MALRD1: variants seen among roughly 807,000 people sequenced by gnomAD.
MALRD1 encodes MAM and LDL-receptor class A domain-containing protein 1.
MALRD1 carries 247 observed loss-of-function variants against 242.1 expected under a neutral mutation model. The ratio of observed to expected loss-of-function variants is 1.02; its 90% CI spans 0.92 to 1.13. MALRD1 has a LOEUF of 1.13. Ranked by LOEUF, MALRD1 falls within the 50% of genes most tolerant of loss-of-function variation. MALRD1 has a pLI of 0.00. For synonymous variants in MALRD1, 995 were observed against 866.6 expected (o/e 1.15, Z -2.60); for missense variants, 2,989 against 2,533.1 (o/e 1.18, Z -3.86).
chr10:19,321,100 T>C (rs966543025), intron 21 of MALRD1, among the ~76,000 whole-genome samples: 2 of 152,136 alleles, frequency 1.3e-5, no homozygotes, highest in Admixed American at 1.3e-4. Flanking sequence ...ATTTTGGCTT[T>C]AGTTGCAGTT....
chr10:19,678,270 T>G (rs1464398486), intron 36 of MALRD1, among the ~76,000 whole-genome samples: 1 of 152,192 alleles, frequency 6.6e-6, no homozygotes, highest in Non-Finnish European at 1.5e-5. Context: ...AGTATGGCCA[T>G]TTTCACAATA....
intron 29 of MALRD1, among the ~76,000 whole-genome samples, chr10:19,472,149 A>G (rs1564371001): frequency 6.6e-6 from 1 of 151,982 alleles, no homozygotes; most frequent in Non-Finnish European, 1.5e-5. Flanking sequence ...TTCTCCATCT[A>G]TTGAAATGAC....
At chr10:19,276,037 C>T (rs967004034) in intron 19 of MALRD1, among the ~76,000 whole-genome samples, 7 of 152,042 alleles carry the variant, frequency 4.6e-5, no homozygotes, top group Non-Finnish European at 7.4e-5. Flanking sequence ...TAAATTGGAG[C>T]ATAGAACATT....
At chr10:19,308,526 C>G (rs1251954866) in intron 21 of MALRD1, among the ~76,000 whole-genome samples, 1 of 151,498 alleles carries the variant, frequency 6.6e-6, no homozygotes, top group Non-Finnish European at 1.5e-5. Flanking sequence ...TAAGCTTAGT[C>G]TAGTCCAGAT....
chr10:19,150,789 G>A (rs1319487408), intron 11 of MALRD1, among the ~76,000 whole-genome samples: 1 of 152,080 alleles, frequency 6.6e-6, no homozygotes, highest in Non-Finnish European at 1.5e-5. Flanking sequence ...CTGGATTCAT[G>A]TTTGTTTATT....
intron 35 of MALRD1, among the ~76,000 whole-genome samples, chr10:19,609,402 T>G (rs570307855): frequency 1.3e-5 from 2 of 152,222 alleles, no homozygotes; most frequent in East Asian, 3.9e-4. Flanking sequence ...GCCAAGCTTC[T>G]GTTTTTAAGA....
chr10:19,236,366 G>T (rs1415088393), intron 18 of MALRD1, among the ~76,000 whole-genome samples: 1 of 152,150 alleles, frequency 6.6e-6, no homozygotes, highest in Non-Finnish European at 1.5e-5. Flanking sequence ...GTGTAACCTA[G>T]AAGCTTGGTA....
intron 24 of MALRD1, among the ~76,000 whole-genome samples, chr10:19,336,566 G>A (rs1374457160): frequency 6.6e-6 from 1 of 152,098 alleles, no homozygotes; most frequent in Non-Finnish European, 1.5e-5. Flanking sequence ...TCTGAATTAG[G>A]CTTGAGATCA....
intron 36 of MALRD1, among the ~76,000 whole-genome samples, chr10:19,679,513 A>G (rs1180017746): frequency 3.5e-4 from 53 of 151,920 alleles, no homozygotes; most frequent in Admixed American, 3.4e-3. Context: ...TATCCCCTTC[A>G]TCATTTTTAT....
At chr10:19,327,000 T>C (rs564782380) in intron 22 of MALRD1, among the ~76,000 whole-genome samples, 46 of 152,140 alleles carry the variant, frequency 3.0e-4, no homozygotes, top group Admixed American at 9.2e-4. Flanking sequence ...CTGCTTTACA[T>C]TGGGGGTACA....
chr10:19,177,129 A>G (rs988281913), intron 14 of MALRD1, among the ~76,000 whole-genome samples: 1 of 151,844 alleles, frequency 6.6e-6, no homozygotes, highest in African/African-American at 2.4e-5. Context: ...ATACAAAAAA[A>G]TTAGCCAGGG....
chr10:19,499,005 G>A (rs1319329458), intron 31 of MALRD1, among the ~76,000 whole-genome samples: 2 of 152,112 alleles, frequency 1.3e-5, no homozygotes, highest in Non-Finnish European at 2.9e-5. Context: ...AAGTTATCCT[G>A]TTGTGACAAT....
intron 32 of MALRD1, among the ~76,000 whole-genome samples, chr10:19,555,167 G>T (rs960473996): frequency 1.3e-5 from 2 of 152,008 alleles, no homozygotes; most frequent in Non-Finnish European, 2.9e-5. Context: ...ATGTGGCCAG[G>T]CTTCTTTAAA....
chr10:19,442,692 T>A (rs1463970489), intron 28 of MALRD1, among the ~76,000 whole-genome samples: 2 of 152,174 alleles, frequency 1.3e-5, no homozygotes, highest in African/African-American at 4.8e-5. Context: ...GTGGATAAGC[T>A]TTTTGATGTG....
chr10:19,101,426 TATATA>T lies in MALRD1; in HGVS notation c.598-2544_598-2540del, dbSNP rs547886248. Among the ~76,000 whole-genome samples, 954 of 141,360 alleles carry T rather than the reference TATATA, an allele frequency of 6.7e-3. 10 individuals carry two copies. Among genetic ancestry groups the T allele is most frequent in the African/African-American group, 0.022 (870 of 38,828 alleles). 92.7% of individuals were successfully genotyped at this position (141,360 alleles called of 152,430 possible). A position where few individuals can be genotyped will look rare whatever the true frequency, so the allele number is the denominator to read the frequency against. On this transcript the variant is annotated intron_variant, in intron 4 of 39. Transcript: ENST00000454679. Reference sequence around the variant, plus strand: ...ATTCATATATTATATATTATAATAATATATAATATAATAATTACATATTATATAAT... The same window carrying T: ...ATTCATATATTATATATTATAATAATATATAATAATTACATATTATATAAT...
chr10:19,128,489 T>C, intron 8 of MALRD1, 102 bp downstream of exon 8: 1 of 724,118 alleles, frequency 1.4e-6, no homozygotes, highest in Non-Finnish European at 1.9e-6. Flanking sequence ...AGGCTTTTAT[T>C]CTTTAACTTG....
chr10:19,665,371 T>A (rs1278787715), intron 36 of MALRD1, among the ~76,000 whole-genome samples: 1 of 152,172 alleles, frequency 6.6e-6, no homozygotes, highest in Non-Finnish European at 1.5e-5. Context: ...GCGTAGCATC[T>A]CAGTGCCATC....
At chr10:19,407,478 T>G (rs1316732711) in intron 28 of MALRD1, among the ~76,000 whole-genome samples, 1 of 151,862 alleles carries the variant, frequency 6.6e-6, no homozygotes, top group Non-Finnish European at 1.5e-5. Flanking sequence ...CAAGCCCTGT[T>G]TCTTAAAAAA....
rs562533530 is a variant in MALRD1 at position 19,226,836 on chromosome 10, G to C, written c.2991+17156G>C. ...AATTTAACAAAGTTGTAGGATGAAA[G>C]ATCAATAAATAAAATCAATTGTGTT... On this transcript the variant is annotated intron_variant, in intron 18 of 39. Transcript: ENST00000454679. Among the ~76,000 whole-genome samples, 208 of 151,924 alleles carry C rather than the reference G, an allele frequency of 1.4e-3. 1 individual carries two copies. The highest frequency in any genetic ancestry group is 2.8e-3 in the Admixed American group (43 of 15,226).
Sources: gnomAD v4.1 joint callset for allele counts (sites outside exome capture counted in the v4.1 genomes callset) on GRCh38, gnomAD v4.1.1 for gene constraint, MANE v1.5 for transcripts, NCBI Gene and HGNC (gene_info 2026-07-23, HGNC 2026-07-21) for gene names.